DPYSL2: variants seen among roughly 807,000 people sequenced by gnomAD.
DPYSL2 encodes the protein dihydropyrimidinase like 2.
DPYSL2 carries 13 observed loss-of-function variants against 69.9 expected under a neutral mutation model. The observed-to-expected ratio is 0.19, with a 90% CI of 0.12 to 0.30. The LOEUF is 0.30. DPYSL2 is among the 10% of genes least tolerant of loss of function. The pLI is 1.00. For synonymous variants in DPYSL2, 326 were observed against 359.1 expected (o/e 0.91, Z 1.04); for missense variants, 587 against 918.9 (o/e 0.64, Z 4.67).
In DPYSL2 at chr8:26,559,841, A is replaced by G. The variant is rs192107668; in HGVS notation, c.355-22128A>G. 8.5e-4 allele frequency among the ~76,000 whole-genome samples: 129 copies of G among 152,284 alleles called. 1 individual carries two copies. The highest frequency in any genetic ancestry group is 2.8e-4 in the Non-Finnish European group (19 of 68,026). ...CAAGGTTCCCTCTAACTACCCCAAG[A>G]TCTTTTATACTCTGGCTTGCATTAA... On this transcript the variant is annotated intron_variant, in intron 1 of 13. Transcript: ENST00000521913.
rs1262656704 is a variant in DPYSL2 at position 26,609,431 on chromosome 8, A to G, written c.629-14712A>G. ...TAAGTTATAGTTGGATTCCCTTCCCAGCAAGGAACCAACAGGAAGGAAAAC... is the reference window on the plus strand; with the variant it reads ...TAAGTTATAGTTGGATTCCCTTCCCGGCAAGGAACCAACAGGAAGGAAAAC... On this transcript the variant is annotated intron_variant, in intron 3 of 13. Transcript: ENST00000521913. This position sits in a 1 kb window ranked among gnomAD's most constrained non-coding sequence, Gnocchi z 6.5. Among the ~76,000 whole-genome samples, 1 of 152,244 alleles carries G rather than the reference A, an allele frequency of 6.6e-6. No homozygotes were observed. Among genetic ancestry groups the G allele is most frequent in the Non-Finnish European group, 1.5e-5 (1 of 68,048 alleles).
chr8:26,560,270 C>A lies in DPYSL2; in HGVS notation c.355-21699C>A, dbSNP rs1801050794. Among the ~76,000 whole-genome samples, 1 of 152,126 alleles carries A rather than the reference C, an allele frequency of 6.6e-6. No homozygotes were observed. Among genetic ancestry groups the A allele is most frequent in the African/African-American group, 2.4e-5 (1 of 41,410 alleles). On this transcript the variant is annotated intron_variant, in intron 1 of 13. Coordinates refer to ENST00000521913, the MANE Select transcript of DPYSL2 (RefSeq NM_001197293.3). The surrounding 1 kb of genome is among the most constrained non-coding windows in gnomAD (Gnocchi z 4.4). ...GTATATTTCCATTCTCCAGGTCAGG[C>A]CTTCCATGGATTATTTACAGAATGA... is the stretch of plus-strand genomic sequence containing the variant.
chr8:26,638,216 A>G (rs905538009), intron 8 of DPYSL2, among the ~76,000 whole-genome samples: 1 of 152,228 alleles, frequency 6.6e-6, no homozygotes, highest in Admixed American at 6.5e-5. Flanking sequence ...TGCTGAGTGG[A>G]AAGTCACATT....
chr8:26,650,529 A>G lies in DPYSL2; in HGVS notation c.1597-1728A>G, dbSNP rs147209836. On this transcript the variant is annotated intron_variant, in intron 11 of 13. Transcript: ENST00000521913. This position sits in a 1 kb window ranked among gnomAD's most constrained non-coding sequence, Gnocchi z 5.3. ...TGCAGATGAAGAAACTGAAGCTGAG[A>G]CAGGATTAAAGCAATCTCCCCAGAG... Among the ~76,000 whole-genome samples, 179 of 152,322 alleles carry G rather than the reference A, an allele frequency of 1.2e-3. No individual in the cohort carries two copies. Among genetic ancestry groups the G allele is most frequent in the African/African-American group, 3.8e-3 (156 of 41,566 alleles).
intron 1 of DPYSL2, among the ~76,000 whole-genome samples, chr8:26,575,654 A>G (rs1801315024): frequency 6.6e-6 from 1 of 152,242 alleles, no homozygotes; most frequent in African/African-American, 2.4e-5. Context: ...AGCCAATGAG[A>G]CAGACACAAG....
rs940886800 is a variant in DPYSL2 at position 26,621,707 on chromosome 8, CAGAG to C, written c.629-2427_629-2424del. ...GTCAAGAGCGAGGGGAATGGGTTTC[CAGAG>C]AGAGAGAGGGCTGCTTGTGCACAGG... On this transcript the variant is annotated intron_variant, in intron 3 of 13. Transcript: ENST00000521913. This position sits in a 1 kb window ranked among gnomAD's most constrained non-coding sequence, Gnocchi z 4.9. Among the ~76,000 whole-genome samples the C allele has an allele frequency of 6.6e-6, 1 of 151,816 alleles. No individual in the cohort carries two copies. Among genetic ancestry groups the C allele is most frequent in the Non-Finnish European group, 1.5e-5 (1 of 67,930 alleles).
intron 3 of DPYSL2, among the ~76,000 whole-genome samples, chr8:26,611,165 G>A (rs994006481): frequency 5.9e-5 from 9 of 152,244 alleles, no homozygotes; most frequent in Admixed American, 1.3e-4. Context: ...GAGCTCTGGA[G>A]CCAAAGCCCT....
intron 1 of DPYSL2, among the ~76,000 whole-genome samples, chr8:26,550,249 C>T (rs924981770): frequency 6.6e-6 from 1 of 152,038 alleles, no homozygotes; most frequent in Admixed American, 6.6e-5. Context: ...GTGTATACTG[C>T]AAACTCAAGG....
rs1803068872 is a variant in DPYSL2 at position 26,642,347 on chromosome 8, C to T, written c.1127-1092C>T. On this transcript the variant is annotated intron_variant, in intron 8 of 13. Coordinates refer to ENST00000521913, the MANE Select transcript of DPYSL2 (RefSeq NM_001197293.3). This position sits in a 1 kb window ranked among gnomAD's most constrained non-coding sequence, Gnocchi z 5.3. ...TTTGGACGATGTTAAAGGAGGAGAT[C>T]AGCTTCCAGTAGTGAAGAGCATCTG... 6.6e-6 allele frequency among the ~76,000 whole-genome samples: 1 copy of T among 152,166 alleles called. No individual in the cohort carries two copies. The highest frequency in any genetic ancestry group is 2.4e-5 in the African/African-American group (1 of 41,430).
chr8:26,539,307 T>C (rs1800642630), intron 1 of DPYSL2, among the ~76,000 whole-genome samples: 1 of 152,176 alleles, frequency 6.6e-6, no homozygotes, highest in African/African-American at 2.4e-5. Flanking sequence ...ACCCAGTGAA[T>C]AGTCAGCATC....
Position 26,605,909 on chromosome 8 carries a change from G to C in DPYSL2, c.629-18234G>C, listed in dbSNP as rs1371635028. Among the ~76,000 whole-genome samples, 1 of 152,164 alleles carries C rather than the reference G, an allele frequency of 6.6e-6. No individual in the cohort carries two copies. The highest frequency in any genetic ancestry group is 1.5e-5 in the Non-Finnish European group (1 of 68,022). Reference sequence around the variant, plus strand: ...TTAAAATTGAAAACCTCAAAAGGTGGTTGAGTTTTTGTTTTGTTTTCCATT... The same window carrying C: ...TTAAAATTGAAAACCTCAAAAGGTGCTTGAGTTTTTGTTTTGTTTTCCATT... On this transcript the variant is annotated intron_variant, in intron 3 of 13. Coordinates refer to ENST00000521913, the MANE Select transcript of DPYSL2 (RefSeq NM_001197293.3). This position sits in a 1 kb window ranked among gnomAD's most constrained non-coding sequence, Gnocchi z 4.1.
chr8:26,556,462 C>G (rs1800989123), intron 1 of DPYSL2, among the ~76,000 whole-genome samples: 1 of 133,434 alleles, frequency 7.5e-6, no homozygotes, highest in Admixed American at 9.0e-5. Context: ...ATTAAAATCT[C>G]CTGGAACTAT....
At chr8:26,532,808 A>G (rs544949078) in intron 1 of DPYSL2, among the ~76,000 whole-genome samples, 2 of 152,312 alleles carry the variant, frequency 1.3e-5, no homozygotes, top group African/African-American at 4.8e-5. Context: ...CTTTTTAGCT[A>G]TTATGAATAA....
intron 3 of DPYSL2, among the ~76,000 whole-genome samples, chr8:26,615,450 G>T (rs545207289): frequency 6.6e-6 from 1 of 152,158 alleles, no homozygotes; most frequent in Non-Finnish European, 1.5e-5. Context: ...AGGGAGGACC[G>T]ACGGGAGAGC....
chr8:26,536,913 A>G lies in DPYSL2; in HGVS notation c.354+22234A>G, dbSNP rs145319193. Among the ~76,000 whole-genome samples, 16 of 152,282 alleles carry G rather than the reference A, an allele frequency of 1.1e-4. No individual in the cohort carries two copies. In the East Asian group the frequency reaches 1.5e-3, roughly 15 times the overall value. On this transcript the variant is annotated intron_variant, in intron 1 of 13. Transcript: ENST00000521913. ...TGAGAGAATGGTGAGGGTGATGCAA[A>G]TGAGCTACATCTTGACTCGGCCACC... is the stretch of plus-strand genomic sequence containing the variant.
chr8:26,645,805 C>T (rs537438467), intron 10 of DPYSL2, among the ~76,000 whole-genome samples: 39 of 152,204 alleles, frequency 2.6e-4, no homozygotes, highest in African/African-American at 8.9e-4. Flanking sequence ...CTGCCTTGAC[C>T]TCCCAAAGTG....
chr8:26,603,419 C>T (rs1485257017), intron 3 of DPYSL2, among the ~76,000 whole-genome samples: 1 of 152,224 alleles, frequency 6.6e-6, no homozygotes, highest in Non-Finnish European at 1.5e-5. Context: ...GATCTGCCTG[C>T]CTTGGCCTCC....
At chr8:26,604,718 A>G (rs1174808493) in intron 3 of DPYSL2, among the ~76,000 whole-genome samples, 1 of 151,148 alleles carries the variant, frequency 6.6e-6, no homozygotes, top group African/African-American at 2.4e-5. Context: ...CATTGGTGCT[A>G]TCTCGGCTCA....
rs1249556209 is a variant in DPYSL2, at chr8:26,652,301, C to G, written c.1641C>G (p.Ser547=). The G allele has an allele frequency of 5.0e-6, 8 of 1,614,134 alleles. No individual in the cohort carries two copies. The highest frequency in any genetic ancestry group is 6.8e-6 in the Non-Finnish European group (8 of 1,180,012). The part of the protein sequence containing the change: ...NIFEGMECRG[S]PLVVISQGKI... ...TTGAAGGCATGGAGTGCCGCGGCTCCCCACTGGTGGTCATCAGCCAGGGGA... is the reference window on the plus strand; with the variant it reads ...TTGAAGGCATGGAGTGCCGCGGCTCGCCACTGGTGGTCATCAGCCAGGGGA... Residue 547 remains serine (S), a synonymous_variant, in exon 12 of 14, where the codon TCC becomes TCG. Transcript: ENST00000521913. This position sits in a 1 kb window ranked among gnomAD's most constrained non-coding sequence, Gnocchi z 6.3.
Sources: allele counts gnomAD v4.1 joint callset (sites outside exome capture counted in the v4.1 genomes callset), GRCh38; gene constraint gnomAD v4.1.1; non-coding constraint Gnocchi (gnomAD v3.1); transcripts MANE v1.5; gene names NCBI Gene and HGNC (gene_info 2026-07-23, HGNC 2026-07-21).